Variants in RPS6KA2 observed in about 807,000 individuals in gnomAD.
The protein encoded by RPS6KA2 is ribosomal protein S6 kinase alpha-2.
In RPS6KA2, 42 loss-of-function variants were observed where a neutral mutation model predicts 91.8. That is an observed-to-expected ratio of 0.46 (90% CI 0.36 to 0.59). The LOEUF (loss-of-function observed/expected upper bound fraction) is 0.59, where lower values mean the gene tolerates loss of function less well. Among genes scored for constraint, RPS6KA2 ranks in the 20% least tolerant of loss-of-function variants. The pLI is 0.00. For synonymous variants in RPS6KA2, 414 were observed against 393.6 expected, an observed-to-expected ratio of 1.05 and a Z score of -0.61; for missense variants, 798 against 978.5, an observed-to-expected ratio of 0.82 and a Z score of 2.46.
chr6:166,432,658 G>A (rs1301386407), intron 14 of RPS6KA2, among the ~76,000 whole-genome samples, 168 bp from the exon 15 acceptor site: 2 of 152,184 alleles, frequency 1.3e-5, no homozygotes, highest in Non-Finnish European at 2.9e-5. Flanking sequence ...TTCATGGCAA[G>A]TCCTTTCTTT....
chr6:166,652,765 C>A (rs1217213960), intron 2 of RPS6KA2, among the ~76,000 whole-genome samples: 1 of 152,240 alleles, frequency 6.6e-6, no homozygotes, highest in African/African-American at 2.4e-5. Context: ...AGTGGTGAAT[C>A]GTACCGAGAT....
intron 2 of RPS6KA2, among the ~76,000 whole-genome samples, chr6:166,654,885 G>A (rs201152915): frequency 1.3e-4 from 20 of 152,198 alleles, no homozygotes; most frequent in East Asian, 5.8e-4. Flanking sequence ...CTTTCCCATC[G>A]TAATTAATAA....
rs1790550201 is a variant in RPS6KA2, at chr6:166,732,272, C to G, written c.123+125928G>C. Among the ~76,000 whole-genome samples the G allele has an allele frequency of 6.6e-6, 1 of 152,208 alleles. No homozygotes were observed. Among genetic ancestry groups the G allele is most frequent in the Non-Finnish European group, 1.5e-5 (1 of 68,042 alleles). On this transcript the variant is annotated intron_variant, in intron 2 of 21. Coordinates refer to the RPS6KA2 transcript ENST00000503859. The surrounding 1 kb of genome is among the most constrained non-coding windows in gnomAD (Gnocchi z 4.0). The stretch of plus-strand genomic sequence containing the variant: ...AGCTTCATGATTCCCCCAAAATAGA[C>G]TGATAAAAATACAATTTAGAAGTAT...
intron 1 of RPS6KA2, among the ~76,000 whole-genome samples, chr6:166,562,828 G>C (rs1784382190): frequency 6.6e-6 from 1 of 152,206 alleles, no homozygotes; most frequent in Non-Finnish European, 1.5e-5. Context: ...TGGGGGCTGG[G>C]GGCTTTGCAG....
At chr6:166,632,775 A>C (rs1381583554) in intron 2 of RPS6KA2, among the ~76,000 whole-genome samples, 6 of 152,300 alleles carry the variant, frequency 3.9e-5, no homozygotes, top group Non-Finnish European at 7.4e-5. Context: ...ACTTAACCCA[A>C]AGGAAAGGAA....
At position 166,428,542 on chromosome 6, in the gene RPS6KA2, C is replaced by T. The variant is rs1306847216; in HGVS notation, c.1581+1911G>A. Reference sequence around the variant, plus strand: ...AACCTACAAAATGGGAGAAAATTTTCGCAACCTACTCATCTGACAAAGGGC... The same window carrying T: ...AACCTACAAAATGGGAGAAAATTTTTGCAACCTACTCATCTGACAAAGGGC... On this transcript the variant is annotated intron_variant, in intron 16 of 20. Transcript: ENST00000265678. Among the ~76,000 whole-genome samples, 10 of 140,362 alleles carry T rather than the reference C, an allele frequency of 7.1e-5. No homozygotes were observed. The East Asian group carries it at 8.2e-4, about 12-fold the overall frequency. The allele number at this position is 140,362 out of a possible 152,430, so 92.1% of individuals were successfully genotyped here.
chr6:166,841,897 T>C (rs1437506172), intron 2 of RPS6KA2, among the ~76,000 whole-genome samples: 1 of 152,208 alleles, frequency 6.6e-6, no homozygotes, highest in Non-Finnish European at 1.5e-5. Flanking sequence ...GTCCCCGCTA[T>C]GACCAGGAGT....
rs941337861 is a variant in RPS6KA2, at chr6:166,455,308, G to A, written c.1076-4075C>T. On this transcript the variant is annotated intron_variant, in intron 12 of 20. Transcript: ENST00000265678. ...CAGCCGCTCCGAAGCCCAGGAGCCG[G>A]GCCCCACGCCGCGTGGGCCTCTGGT... 3.9e-5 allele frequency among the ~76,000 whole-genome samples: 6 copies of A among 152,224 alleles called. No individual in the cohort carries two copies. In the South Asian group the frequency reaches 1.2e-3, roughly 32 times the overall value.
At chr6:166,768,981 C>T (rs914030735) in intron 2 of RPS6KA2, among the ~76,000 whole-genome samples, 23 of 152,170 alleles carry the variant, frequency 1.5e-4, no homozygotes, top group Non-Finnish European at 1.2e-4. Context: ...GCAGAAACAG[C>T]CGCTTTCCTG....
chr6:166,634,978 A>G (rs1787187614), intron 2 of RPS6KA2, among the ~76,000 whole-genome samples: 1 of 152,236 alleles, frequency 6.6e-6, no homozygotes, highest in Non-Finnish European at 1.5e-5. Flanking sequence ...TCCACAGGAA[A>G]AAAACTAATA....
At chr6:166,680,505 C>T (rs1788763848) in intron 2 of RPS6KA2, among the ~76,000 whole-genome samples, 1 of 152,232 alleles carries the variant, frequency 6.6e-6, no homozygotes, top group Non-Finnish European at 1.5e-5. Context: ...TTGCTGGTGC[C>T]CACTTTTTGG....
chr6:166,778,582 A>G (rs572110538), intron 2 of RPS6KA2, among the ~76,000 whole-genome samples: 79 of 152,342 alleles, frequency 5.2e-4, no homozygotes, highest in African/African-American at 1.8e-3. Flanking sequence ...CCTGGCCAAC[A>G]CGGCGAAACC....
intron 2 of RPS6KA2, among the ~76,000 whole-genome samples, chr6:166,800,662 A>T (rs76163819): frequency 0.028 from 4,230 of 152,242 alleles, 217 homozygotes; most frequent in African/African-American, 0.097. Context: ...CGGCCTCCAG[A>T]ACTGTGAGAA....
intron 2 of RPS6KA2, among the ~76,000 whole-genome samples, chr6:166,854,695 A>G (rs189808591): frequency 2.2e-4 from 33 of 152,330 alleles, no homozygotes; most frequent in African/African-American, 7.9e-4. Flanking sequence ...CAAAATAACA[A>G]CAGATGTTGG....
intron 2 of RPS6KA2, among the ~76,000 whole-genome samples, chr6:166,847,585 G>C (rs541521261): frequency 6.6e-6 from 1 of 152,248 alleles, no homozygotes; most frequent in South Asian, 2.1e-4. Flanking sequence ...GAAGAGAATA[G>C]AGAATCAAGA....
chr6:166,768,453 T>TGGTGAGC (rs1778378821), intron 2 of RPS6KA2, among the ~76,000 whole-genome samples: 1 of 152,324 alleles, frequency 6.6e-6, no homozygotes, highest in African/African-American at 2.4e-5. Flanking sequence ...GGGACCATCC[T>TGGTGAGC]GGTGAGCGGC....
Position 166,488,876 on chromosome 6 carries a change from ACT to A in RPS6KA2, c.862_863del (p.Ser288PhefsTer19), listed in dbSNP as rs1562529161. 1 of 1,613,668 alleles carries A rather than the reference ACT, an allele frequency of 6.2e-7. No homozygotes were observed. Among genetic ancestry groups the A allele is most frequent in the Non-Finnish European group, 8.5e-7 (1 of 1,179,886 alleles). On this transcript the variant is annotated frameshift_variant, in exon 10 of 21. Coordinates refer to ENST00000265678, the MANE Select transcript of RPS6KA2 (RefSeq NM_021135.6). LOFTEE classifies it high-confidence loss of function. ...MPQFLSGEAQ[S>X]LLRALFKRNP... The stretch of plus-strand genomic sequence containing the variant: ...TCCGTTTGAAGAGAGCTCGCAGCAA[ACT>A]CTGTGCCTCCCCACTGAGGAACTGC...
intron 2 of RPS6KA2, among the ~76,000 whole-genome samples, chr6:166,759,196 G>T (rs541623709): frequency 1.3e-5 from 2 of 152,170 alleles, no homozygotes; most frequent in African/African-American, 4.8e-5. Context: ...CTTTCTAAGG[G>T]ATCATTTTTA....
At chr6:166,713,124 C>T (rs1024443124) in intron 2 of RPS6KA2, among the ~76,000 whole-genome samples, 14 of 152,176 alleles carry the variant, frequency 9.2e-5, no homozygotes, top group African/African-American at 3.1e-4. Flanking sequence ...CCTCCTCTGC[C>T]AGGCCACCTG....
Sources: allele counts gnomAD v4.1 joint callset (sites outside exome capture counted in the v4.1 genomes callset), GRCh38; gene constraint gnomAD v4.1.1; non-coding constraint Gnocchi (gnomAD v3.1); transcripts MANE v1.5; gene names NCBI Gene and HGNC (gene_info 2026-07-23, HGNC 2026-07-21).